EPHA6: variants seen among roughly 807,000 people sequenced by gnomAD.
The protein encoded by EPHA6 is ephrin type-A receptor 6.
Under a neutral mutation model 112.0 loss-of-function variants are expected in EPHA6, and 50 were observed. The observed-to-expected ratio is 0.45, with a 90% CI of 0.36 to 0.56. EPHA6 has a LOEUF of 0.56. Among genes scored for constraint, EPHA6 ranks in the 20% least tolerant of loss-of-function variants. The probability of loss-of-function intolerance (pLI) is 0.00; values close to 1 mark genes in which losing one functional copy is unlikely to be tolerated. For synonymous variants in EPHA6, 529 were observed against 490.7 expected, an observed-to-expected ratio of 1.08 and a Z score of -1.03; for missense variants, 1,280 against 1,417.4, an observed-to-expected ratio of 0.90 and a Z score of 1.56.
intron 10 of EPHA6, among the ~76,000 whole-genome samples, chr3:97,495,460 AGAATATATGATATG>A (rs1459133329): frequency 6.6e-6 from 1 of 151,918 alleles, no homozygotes; most frequent in African/African-American, 2.4e-5. Flanking sequence ...TAGTATATAT[AGAATATATGATATG>A]GAATATATGG....
At chr3:97,265,582 G>T (rs2079650617) in intron 5 of EPHA6, among the ~76,000 whole-genome samples, 1 of 152,198 alleles carries the variant, frequency 6.6e-6, no homozygotes, top group African/African-American at 2.4e-5. Flanking sequence ...AGACACTCCC[G>T]AGCCTGCAGG....
intron 3 of EPHA6, among the ~76,000 whole-genome samples, chr3:97,143,982 G>A (rs974489325): frequency 2.0e-5 from 3 of 151,640 alleles, no homozygotes; most frequent in East Asian, 1.9e-4. Context: ...CTAGACAGAC[G>A]TCCTGGCAGA....
chr3:97,537,869 G>A (rs1190201730), intron 11 of EPHA6, among the ~76,000 whole-genome samples: 1 of 152,130 alleles, frequency 6.6e-6, no homozygotes, highest in East Asian at 1.9e-4. Context: ...ATGAGCCACA[G>A]CACCTGGCCT....
chr3:97,732,183 C>A (rs554008124), intron 15 of EPHA6, among the ~76,000 whole-genome samples: 1 of 151,826 alleles, frequency 6.6e-6, no homozygotes, highest in African/African-American at 2.4e-5. Flanking sequence ...ACCTCCCAAC[C>A]TCAAAACTCA....
intron 3 of EPHA6, among the ~76,000 whole-genome samples, chr3:97,010,814 T>G (rs2044059897): frequency 6.6e-6 from 1 of 152,210 alleles, no homozygotes; most frequent in South Asian, 2.1e-4. Context: ...CATGCCACCA[T>G]GCTCAGTTAT....
At chr3:96,858,534 T>C (rs1182906260) in intron 1 of EPHA6, among the ~76,000 whole-genome samples, 1 of 152,096 alleles carries the variant, frequency 6.6e-6, no homozygotes, top group East Asian at 1.9e-4. Flanking sequence ...AGGTATGCCA[T>C]GAAAAAGTCC....
At chr3:97,374,268 C>T (rs1287743000) in intron 5 of EPHA6, among the ~76,000 whole-genome samples, 2 of 152,116 alleles carry the variant, frequency 1.3e-5, no homozygotes, top group Admixed American at 6.6e-5. Flanking sequence ...AAAACTTTTA[C>T]TCTCCTACCC....
intron 11 of EPHA6, among the ~76,000 whole-genome samples, chr3:97,574,200 A>AT (rs1248513426): frequency 2.0e-5 from 3 of 152,124 alleles, no homozygotes; most frequent in African/African-American, 7.2e-5. Flanking sequence ...AATGGTTTTA[A>AT]TACCCTATCC....
At chr3:97,274,829 G>T (rs1559844811) in intron 5 of EPHA6, among the ~76,000 whole-genome samples, 1 of 152,212 alleles carries the variant, frequency 6.6e-6, no homozygotes, top group Non-Finnish European at 1.5e-5. Context: ...AGGGTCAGGT[G>T]TGGTATCCAG....
chr3:97,441,657 T>C (rs1157151709), intron 6 of EPHA6, among the ~76,000 whole-genome samples: 2 of 152,100 alleles, frequency 1.3e-5, no homozygotes, highest in Admixed American at 6.5e-5. Flanking sequence ...TGAAGTTATA[T>C]AGGTCTTACA....
intron 5 of EPHA6, among the ~76,000 whole-genome samples, chr3:97,279,139 C>T (rs1198274991): frequency 6.6e-6 from 1 of 152,032 alleles, no homozygotes; most frequent in African/African-American, 2.4e-5. Context: ...TGGGAACATA[C>T]AAATTACTAA....
At chr3:97,492,208 T>G (rs1486250278) in intron 10 of EPHA6, among the ~76,000 whole-genome samples, 1 of 152,186 alleles carries the variant, frequency 6.6e-6, no homozygotes, top group Middle Eastern at 3.4e-3. Flanking sequence ...CTTAATACTC[T>G]TAGTTAATCA....
rs929158479 is a variant in EPHA6, at chr3:96,987,729, G to A, written c.850G>A (p.Asp284Asn). ...ERKGFYLAFQ[D>N]IGACIALVSV... ...GAAAGGATTTTATCTGGCTTTTCAA[G>A]ACATTGGGGCGTGCATTGCCCTGGT... Residue 284 changes from aspartate (D) to asparagine (N), a missense_variant, in exon 3 of 18, where the codon GAC (aspartate) becomes AAC (asparagine). This residue lies in a region of EPHA6 where 878 missense variants were observed against 999.7 expected (regional missense o/e 0.88). Coordinates refer to ENST00000389672, the MANE Select transcript of EPHA6 (RefSeq NM_001080448.3). 1.1e-5 allele frequency: 17 copies of A among 1,609,996 alleles called. No individual in the cohort carries two copies. Among genetic ancestry groups the A allele is most frequent in the Non-Finnish European group, 1.4e-5 (17 of 1,177,414 alleles).
At chr3:97,032,415 T>A (rs1011891443) in intron 3 of EPHA6, among the ~76,000 whole-genome samples, 7 of 152,036 alleles carry the variant, frequency 4.6e-5, no homozygotes, top group African/African-American at 1.7e-4. Context: ...AACCTGCACG[T>A]TGTGCACATG....
chr3:97,581,708 A>G (rs2093440162), intron 11 of EPHA6, among the ~76,000 whole-genome samples: 1 of 152,246 alleles, frequency 6.6e-6, no homozygotes. Context: ...AAGGTCATGC[A>G]GCAAGCTATG....
intron 5 of EPHA6, among the ~76,000 whole-genome samples, chr3:97,265,125 G>T (rs1423412661): frequency 2.6e-5 from 4 of 152,126 alleles, no homozygotes; most frequent in African/African-American, 7.2e-5. Flanking sequence ...GCTTTTATGG[G>T]CTTCAGAGGG....
intron 2 of EPHA6, among the ~76,000 whole-genome samples, chr3:96,923,309 A>T (rs2039869778): frequency 6.6e-6 from 1 of 152,130 alleles, no homozygotes; most frequent in Non-Finnish European, 1.5e-5. Context: ...TGCTATTTTT[A>T]AATTTTTTAA....
chr3:97,095,710 C>G (rs903249558), intron 3 of EPHA6, among the ~76,000 whole-genome samples: 1 of 151,388 alleles, frequency 6.6e-6, no homozygotes, highest in African/African-American at 2.4e-5. Flanking sequence ...ATCCTTAGAG[C>G]AGTAGTTCAC....
chr3:97,734,299 C>G (rs1174472681), intron 15 of EPHA6, among the ~76,000 whole-genome samples: 3 of 152,018 alleles, frequency 2.0e-5, no homozygotes, highest in African/African-American at 7.2e-5. Context: ...GAATTCTATG[C>G]TATTTCTCTT....
Sources: allele counts gnomAD v4.1 joint callset (sites outside exome capture counted in the v4.1 genomes callset), GRCh38; gene constraint gnomAD v4.1.1; regional missense constraint gnomAD v4.1.1; transcripts MANE v1.5; gene names NCBI Gene and HGNC (gene_info 2026-07-23, HGNC 2026-07-21).